The following ABCC4 variants were observed in gnomAD, a reference collection of about 807,000 sequenced individuals.
ABCC4 encodes the protein ATP-binding cassette sub-family C member 4.
ABCC4 carries 102 observed loss-of-function variants against 168.5 expected under a neutral mutation model. The observed-to-expected ratio is 0.61, with a 90% CI of 0.52 to 0.71. The LOEUF (loss-of-function observed/expected upper bound fraction) is 0.71. ABCC4 is among the 30% of genes least tolerant of loss of function. ABCC4 has a pLI of 0.00. For synonymous variants in ABCC4, 617 were observed against 590.7 expected, an observed-to-expected ratio of 1.04 and a Z score of -0.65; for missense variants, 1,402 against 1,605.8, an observed-to-expected ratio of 0.87 and a Z score of 2.17.
At chr13:95,127,454 T>C (rs1159271168) in intron 19 of ABCC4, among the ~76,000 whole-genome samples, 1 of 152,126 alleles carries the variant, frequency 6.6e-6, no homozygotes, top group East Asian at 1.9e-4. Flanking sequence ...CTAATTTTTG[T>C]ATTTTTAGAG....
At chr13:95,160,558 G>C (rs1594206451) in intron 19 of ABCC4, among the ~76,000 whole-genome samples, 2 of 152,292 alleles carry the variant, frequency 1.3e-5, no homozygotes, top group Admixed American at 1.3e-4. Context: ...GTTCAACAAA[G>C]TCTCTATTAT....
At chr13:95,299,639 G>T (rs1006899112) in intron 1 of ABCC4, among the ~76,000 whole-genome samples, 2 of 151,970 alleles carry the variant, frequency 1.3e-5, no homozygotes, top group Non-Finnish European at 2.9e-5. Context: ...TATGGCCCAA[G>T]ACAATTCTTC....
intron 4 of ABCC4, among the ~76,000 whole-genome samples, chr13:95,232,129 T>C (rs1270214823): frequency 7.2e-6 from 1 of 139,622 alleles, no homozygotes; most frequent in African/African-American, 2.9e-5. Flanking sequence ...CTGATGATGA[T>C]GGTGGTGGTG....
intron 4 of ABCC4, 99 bp downstream of exon 4, chr13:95,234,511 G>T: frequency 1.1e-6 from 1 of 918,848 alleles, no homozygotes; most frequent in Non-Finnish European, 1.7e-6. Flanking sequence ...AGGCTGGAGT[G>T]CAGTGGCTAT....
At chr13:95,050,269 C>G (rs2032771405) in intron 27 of ABCC4, among the ~76,000 whole-genome samples, 1 of 152,220 alleles carries the variant, frequency 6.6e-6, no homozygotes, top group African/African-American at 2.4e-5. Flanking sequence ...GGAAGAATTC[C>G]TGACCTATCA....
chr13:95,065,379 T>C (rs1171076860), intron 25 of ABCC4, among the ~76,000 whole-genome samples: 1 of 152,244 alleles, frequency 6.6e-6, no homozygotes, highest in Non-Finnish European at 1.5e-5. Context: ...AGAATCCTTG[T>C]CACATGTTAA....
chr13:95,064,129 A>G (rs1468845473), intron 25 of ABCC4, among the ~76,000 whole-genome samples: 1 of 151,980 alleles, frequency 6.6e-6, no homozygotes, highest in Non-Finnish European at 1.5e-5. Context: ...TAAAAATGTA[A>G]ATGTTTAAAA....
At chr13:95,046,883 G>A (rs1172404355) in intron 27 of ABCC4, among the ~76,000 whole-genome samples, 8 of 152,126 alleles carry the variant, frequency 5.3e-5, no homozygotes. Flanking sequence ...GTGACTAAGA[G>A]TGACAACTGG....
At chr13:95,174,909 C>T (rs2037615159) in intron 13 of ABCC4, among the ~76,000 whole-genome samples, 2 of 152,174 alleles carry the variant, frequency 1.3e-5, no homozygotes, top group South Asian at 2.1e-4. Context: ...CTGCCATCCA[C>T]GTTTTTTTTG....
chr13:95,120,914 T>G (rs1276460700), intron 19 of ABCC4, among the ~76,000 whole-genome samples: 1 of 152,138 alleles, frequency 6.6e-6, no homozygotes, highest in East Asian at 1.9e-4. Flanking sequence ...GATGACAGCA[T>G]CTATGACACT....
intron 3 of ABCC4, among the ~76,000 whole-genome samples, chr13:95,237,242 T>C (rs2039799869): frequency 6.6e-6 from 1 of 152,216 alleles, no homozygotes; most frequent in Non-Finnish European, 1.5e-5. Flanking sequence ...GTCAAGCAAA[T>C]GGGCTCATTG....
chr13:95,206,504 C>T, intron 8 of ABCC4, 28 bp downstream of exon 8: 1 of 1,606,512 alleles, frequency 6.2e-7, no homozygotes, highest in Non-Finnish European at 8.5e-7. Flanking sequence ...AATGCACCTA[C>T]AACTTTAAAA....
Position 95,161,325 on chromosome 13 carries a change from TAC to T in ABCC4, c.2317_2318del (p.Val773SerfsTer19), listed in dbSNP as rs776335536. The T allele has an allele frequency of 6.3e-7, 1 of 1,585,336 alleles. No homozygotes were observed. The highest frequency in any genetic ancestry group is 8.5e-7 in the Non-Finnish European group (1 of 1,170,500). ...WYLGIYSGLT[V>X]ATVLFGIARS... ...TTGCTATGCCAAAAAGAACGGTAGC[TAC>T]AGTTAAACCTGAAATAAAGAAATAT... On this transcript the variant is annotated frameshift_variant, in exon 19 of 31. Transcript: ENST00000645237. LOFTEE classifies it high-confidence loss of function.
At position 95,176,222 on chromosome 13, in the gene ABCC4, GCA is replaced by G. The variant is rs1491441228; in HGVS notation, c.1727+1483_1727+1484del. 7.5e-3 allele frequency among the ~76,000 whole-genome samples: 364 copies of G among 48,620 alleles called. 4 individuals are homozygous for G. Among genetic ancestry groups the G allele is most frequent in the African/African-American group, 0.031 (337 of 10,744 alleles). The allele number at this position is 48,620 out of a possible 152,430, so 31.9% of individuals were successfully genotyped here. The stretch of plus-strand genomic sequence containing the variant: ...ATCTCAGCACTCCAGGAAGCCGAGG[GCA>G]GGGGGGGGGGGGGGGGGGGGGTGGA... On this transcript the variant is annotated intron_variant, in intron 13 of 30. Transcript: ENST00000645237.
At chr13:95,061,461 G>T (rs9561778) in intron 26 of ABCC4, among the ~76,000 whole-genome samples, 26,578 of 151,958 alleles carry the variant, frequency 0.17, 2,485 homozygotes, top group East Asian at 0.28. Context: ...CTTCCCTTCC[G>T]GTGGCACGTT....
chr13:95,210,878 A>C (rs2038935067), intron 4 of ABCC4, 97 bp from the exon 5 acceptor site: 2 of 853,166 alleles, frequency 2.3e-6, no homozygotes, highest in Non-Finnish European at 3.8e-6. Context: ...TGTGATGTCA[A>C]GACCAGATCT....
At chr13:95,165,885 A>G (rs571877219) in intron 15 of ABCC4, among the ~76,000 whole-genome samples, 1 of 152,332 alleles carries the variant, frequency 6.6e-6, no homozygotes, top group East Asian at 1.9e-4. Context: ...TTGTAGTATT[A>G]GTGTGAGTCA....
chr13:95,265,504 C>T (rs1185462076), intron 1 of ABCC4, among the ~76,000 whole-genome samples: 2 of 152,142 alleles, frequency 1.3e-5, no homozygotes, highest in African/African-American at 4.8e-5. Flanking sequence ...GGTACAGTGG[C>T]TCATGCCTGT....
At chr13:95,185,528 C>T (rs2038030297) in intron 11 of ABCC4, among the ~76,000 whole-genome samples, 1 of 152,218 alleles carries the variant, frequency 6.6e-6, no homozygotes, top group Non-Finnish European at 1.5e-5. Context: ...CAAAATTACT[C>T]ATTCCTCACA....
Sources: allele counts gnomAD v4.1 joint callset (sites outside exome capture counted in the v4.1 genomes callset), GRCh38; gene constraint gnomAD v4.1.1; transcripts MANE v1.5; gene names NCBI Gene and HGNC (gene_info 2026-07-23, HGNC 2026-07-21).